ARG2: variants seen among roughly 807,000 people sequenced by gnomAD.
The protein encoded by ARG2 is arginase 2.
ARG2 carries 21 observed loss-of-function variants against 39.4 expected under a neutral mutation model. The observed-to-expected ratio is 0.53, with a 90% CI of 0.38 to 0.77. ARG2 has a LOEUF of 0.77. ARG2 is among the 30% of genes least tolerant of loss of function. The pLI is 0.00. For missense variants in ARG2, 378 were observed against 426.2 expected, an observed-to-expected ratio of 0.89 and a Z score of 1.00; for synonymous variants, 150 against 156.7, an observed-to-expected ratio of 0.96 and a Z score of 0.32.
At chr14:67,635,746 G>A (rs1310941786) in intron 2 of ARG2, among the ~76,000 whole-genome samples, 8 of 152,086 alleles carry the variant, frequency 5.3e-5, no homozygotes, top group Non-Finnish European at 7.4e-5. Flanking sequence ...CCAGCTACTC[G>A]GGAAGCTGAG....
chr14:67,633,850 T>A (rs1013759270), intron 2 of ARG2, among the ~76,000 whole-genome samples: 5 of 152,232 alleles, frequency 3.3e-5, no homozygotes, highest in African/African-American at 1.2e-4. Flanking sequence ...TCCTCTCTTA[T>A]TCCTGGCTAA....
At chr14:67,643,971 GCCT>G (rs983897671) in intron 3 of ARG2, among the ~76,000 whole-genome samples, 53 of 150,378 alleles carry the variant, frequency 3.5e-4, no homozygotes, top group Admixed American at 2.5e-3. Flanking sequence ...CAAGTCTCCT[GCCT>G]CCTTTCTCAG....
intron 2 of ARG2, among the ~76,000 whole-genome samples, chr14:67,631,526 C>A (rs1198479493): frequency 6.0e-5 from 9 of 150,610 alleles, no homozygotes; most frequent in Non-Finnish European, 1.2e-4. Flanking sequence ...GCCTCCACCT[C>A]CCAGGTTCAA....
intron 1 of ARG2, 82 bp downstream of exon 1, chr14:67,620,170 C>T: frequency 9.8e-7 from 1 of 1,022,704 alleles, no homozygotes; most frequent in South Asian, 1.6e-5. Context: ...GTGCGGGGGA[C>T]CGGGAGGCGA....
intron 3 of ARG2, among the ~76,000 whole-genome samples, chr14:67,642,941 T>G (rs1344088368): frequency 6.6e-6 from 1 of 152,006 alleles, no homozygotes; most frequent in Non-Finnish European, 1.5e-5. Context: ...TAGCTGGGAC[T>G]ACAGGTGCAT....
At chr14:67,621,193 C>T (rs1371269327) in intron 2 of ARG2, among the ~76,000 whole-genome samples, 1 of 152,154 alleles carries the variant, frequency 6.6e-6, no homozygotes, top group African/African-American at 2.4e-5. Context: ...GAGGCAAGGT[C>T]TGAACAGCTG....
intron 2 of ARG2, among the ~76,000 whole-genome samples, chr14:67,623,162 C>G (rs1047641801): frequency 6.6e-6 from 1 of 152,160 alleles, no homozygotes; most frequent in Non-Finnish European, 1.5e-5. Context: ...ATCTCATAGC[C>G]TATTAAATAA....
chr14:67,651,607 T>A lies in ARG2; in HGVS notation c.*687T>A. 9.9e-7 allele frequency: 1 copy of A among 1,010,562 alleles called. No homozygotes were observed. The highest frequency in any genetic ancestry group is 1.4e-6 in the Non-Finnish European group (1 of 705,034). 62.6% of individuals were successfully genotyped at this position (1,010,562 alleles called of 1,614,324 possible). ...CTGTATGTTTGATCACACAGCCACT[T>A]AGCAGGAAGTACTCATAAGGTTCTT... is the stretch of plus-strand genomic sequence containing the variant. On this transcript the variant is annotated 3_prime_UTR_variant, in exon 8 of 8. Coordinates refer to ENST00000261783, the MANE Select transcript of ARG2 (RefSeq NM_001172.4).
In ARG2 at chr14:67,651,432, C is replaced by A. The variant is rs780495647; in HGVS notation, c.*512C>A. 6.2e-7 allele frequency: 1 copy of A among 1,613,934 alleles called. No individual in the cohort carries two copies. The highest frequency in any genetic ancestry group is 8.5e-7 in the Non-Finnish European group (1 of 1,179,834). On this transcript the variant is annotated 3_prime_UTR_variant, in exon 8 of 8. Transcript: ENST00000261783. ...TAGTAAACCAGGCCTCCCAGGATGGCGAGCTCCAGTAAGATGATAATGGAA... is the reference window on the plus strand; with the variant it reads ...TAGTAAACCAGGCCTCCCAGGATGGAGAGCTCCAGTAAGATGATAATGGAA...
rs1048598409 is a variant in ARG2, at chr14:67,621,105, C to T, written c.184+139C>T. 1.3e-5 allele frequency: 10 copies of T among 760,170 alleles called. No individual in the cohort carries two copies. In the Admixed American group the frequency reaches 2.5e-4, roughly 19 times the overall value. 47.1% of individuals were successfully genotyped at this position (760,170 alleles called of 1,614,324 possible). A position where few individuals can be genotyped will look rare whatever the true frequency, so the allele number is the denominator to read the frequency against. Reference sequence around the variant, plus strand: ...TCCCGCATCCTCCTTTGGATTCCGTCTGCGGCTTAAGATCAAGGAGTCATC... The same window carrying T: ...TCCCGCATCCTCCTTTGGATTCCGTTTGCGGCTTAAGATCAAGGAGTCATC... On this transcript the variant is annotated intron_variant, in intron 2 of 7. Transcript: ENST00000261783.
chr14:67,651,436 C>G lies in ARG2; in HGVS notation c.*516C>G. 3 of 1,614,044 alleles carry G rather than the reference C, an allele frequency of 1.9e-6. No homozygotes were observed. The highest frequency in any genetic ancestry group is 2.5e-6 in the Non-Finnish European group (3 of 1,179,892). ...AAACCAGGCCTCCCAGGATGGCGAG[C>G]TCCAGTAAGATGATAATGGAAAGCA... On this transcript the variant is annotated 3_prime_UTR_variant, in exon 8 of 8. Transcript: ENST00000261783.
intron 5 of ARG2, 43 bp from the exon 6 acceptor site, chr14:67,646,878 T>C: frequency 1.4e-6 from 2 of 1,447,090 alleles, no homozygotes; most frequent in Non-Finnish European, 1.9e-6. Context: ...TTGTTAAAAA[T>C]GCTCTTTAAA....
intron 7 of ARG2, 56 bp downstream of exon 7, chr14:67,648,239 C>A: frequency 6.5e-7 from 1 of 1,542,746 alleles, no homozygotes; most frequent in South Asian, 1.2e-5. Flanking sequence ...ATGCTAGAGT[C>A]TCTTGCCTGC....
At chr14:67,639,715 G>A (rs1286570222) in intron 2 of ARG2, among the ~76,000 whole-genome samples, 1 of 152,100 alleles carries the variant, frequency 6.6e-6, no homozygotes, top group East Asian at 1.9e-4. Context: ...GCGGTCAGGA[G>A]TTCGAGACCA....
Position 67,646,641 on chromosome 14 carries a change from T to C in ARG2, c.523-3T>C, listed in dbSNP as rs372136248. The stretch of plus-strand genomic sequence containing the variant: ...TAATCCTGTCCATTTCTCCCTTTCA[T>C]AGGTACCACAACTCCCAGGATTTTC... On this transcript the variant is annotated splice_region_variant and splice_polypyrimidine_tract_variant and intron_variant, in intron 4 of 7. Coordinates refer to ENST00000261783, the MANE Select transcript of ARG2 (RefSeq NM_001172.4). 1.3e-6 allele frequency: 2 copies of C among 1,599,540 alleles called. No homozygotes were observed. Among genetic ancestry groups the C allele is most frequent in the Admixed American group, 1.7e-5 (1 of 59,888 alleles).
At chr14:67,635,258 G>T (rs888358118) in intron 2 of ARG2, among the ~76,000 whole-genome samples, 23 of 151,998 alleles carry the variant, frequency 1.5e-4, no homozygotes, top group African/African-American at 5.3e-4. Context: ...AAGAGAAAAG[G>T]TTCTTAAGGT....
intron 2 of ARG2, among the ~76,000 whole-genome samples, chr14:67,631,706 A>G (rs1443611545): frequency 6.6e-6 from 1 of 152,130 alleles, no homozygotes; most frequent in Non-Finnish European, 1.5e-5. Context: ...TGTTGGGATT[A>G]CAGGTGTGAG....
intron 4 of ARG2, 76 bp from the exon 5 acceptor site, chr14:67,646,568 C>T (rs1180536694): frequency 5.9e-6 from 7 of 1,192,842 alleles, no homozygotes; most frequent in Non-Finnish European, 7.4e-6. Flanking sequence ...GATTGCATAC[C>T]CACGGACGCA....
intron 2 of ARG2, among the ~76,000 whole-genome samples, chr14:67,638,136 T>C (rs1348438914): frequency 1.3e-5 from 2 of 152,142 alleles, no homozygotes; most frequent in Admixed American, 1.3e-4. Context: ...AAACAAGAAA[T>C]AAACTTGTTT....
Sources: allele counts gnomAD v4.1 joint callset (sites outside exome capture counted in the v4.1 genomes callset), GRCh38; gene constraint gnomAD v4.1.1; transcripts MANE v1.5; gene names NCBI Gene and HGNC (gene_info 2026-07-23, HGNC 2026-07-21).